NR2F1-AS1: variants seen among roughly 807,000 people sequenced by gnomAD.
NR2F1-AS1 encodes NR2F1 regulatory antisense RNA 1, also known as NR2F1 antisense RNA 1.
chr5:93,483,085 C>T (rs929812647), intron 4 of NR2F1-AS1, among the ~76,000 whole-genome samples: 1 of 152,306 alleles, frequency 6.6e-6, no homozygotes. Context: ...CCTAGCACAG[C>T]GCTCGATCTC....
In NR2F1-AS1 at chr5:93,487,679, T is replaced by C. The variant is rs183273559; in HGVS notation, n.638+66082A>G. ...AATGGCCACAATGCCCAAAGTAATT[T>C]ATAGATTCAATGCTATCTCCATCAA... On this transcript the variant is annotated intron_variant and non_coding_transcript_variant, in intron 4 of 5. Coordinates refer to ENST00000660523, the Ensembl canonical transcript of NR2F1-AS1. 7.9e-5 allele frequency among the ~76,000 whole-genome samples: 12 copies of C among 152,298 alleles called. No individual in the cohort carries two copies. In the East Asian group the frequency reaches 2.3e-3, roughly 29 times the overall value.
At chr5:93,461,562 CA>C (rs913428058) in intron 4 of NR2F1-AS1, among the ~76,000 whole-genome samples, 2 of 151,286 alleles carry the variant, frequency 1.3e-5, no homozygotes, top group East Asian at 1.9e-4. Context: ...AACTGAGTTA[CA>C]AAAAAAATAA....
chr5:93,488,137 C>T (rs954528940), intron 4 of NR2F1-AS1, among the ~76,000 whole-genome samples: 1 of 152,146 alleles, frequency 6.6e-6, no homozygotes, highest in Non-Finnish European at 1.5e-5. Context: ...ACCATAAAAA[C>T]CCTAGAAGAA....
At chr5:93,527,101 TC>T (rs561105827) in intron 4 of NR2F1-AS1, among the ~76,000 whole-genome samples, 134 of 152,262 alleles carry the variant, frequency 8.8e-4, no homozygotes, top group Non-Finnish European at 1.5e-3. Context: ...GAAAACCTCA[TC>T]ATCTCAGCCC....
chr5:93,512,317 AAATG>A (rs1414076739), intron 4 of NR2F1-AS1, among the ~76,000 whole-genome samples: 37 of 152,302 alleles, frequency 2.4e-4, no homozygotes, highest in African/African-American at 6.7e-4. Flanking sequence ...TAGAATAAGG[AAATG>A]AATGACTTTT....
intron 4 of NR2F1-AS1, among the ~76,000 whole-genome samples, chr5:93,481,796 T>C (rs1473535832): frequency 1.3e-5 from 2 of 151,912 alleles, no homozygotes; most frequent in African/African-American, 2.4e-5. Context: ...AAATAACATA[T>C]TCTTTAAAAA....
At chr5:93,562,210 G>T (rs1263496143) in intron 2 of NR2F1-AS1, among the ~76,000 whole-genome samples, 2 of 145,896 alleles carry the variant, frequency 1.4e-5, no homozygotes, top group African/African-American at 5.1e-5. Context: ...GAAAAGAAAA[G>T]AAAAGAAAAG....
intron 4 of NR2F1-AS1, among the ~76,000 whole-genome samples, chr5:93,473,859 G>A (rs1170437303): frequency 6.6e-6 from 1 of 151,822 alleles, no homozygotes; most frequent in Non-Finnish European, 1.5e-5. Flanking sequence ...ATGGATACTT[G>A]AGAAATTAAT....
At chr5:93,446,124 C>T (rs1241012915) in intron 4 of NR2F1-AS1, among the ~76,000 whole-genome samples, 2 of 152,080 alleles carry the variant, frequency 1.3e-5, no homozygotes, top group African/African-American at 2.4e-5. Context: ...GGAAGCATTC[C>T]CTTGGAAAAC....
At chr5:93,416,807 A>G (rs905365735) in intron 4 of NR2F1-AS1, among the ~76,000 whole-genome samples, 1 of 152,168 alleles carries the variant, frequency 6.6e-6, no homozygotes, top group African/African-American at 2.4e-5. Context: ...AATCAATAAT[A>G]ATATTAAAAG....
intron 4 of NR2F1-AS1, among the ~76,000 whole-genome samples, chr5:93,502,784 T>C (rs1751111165): frequency 6.6e-6 from 1 of 152,170 alleles, no homozygotes; most frequent in Non-Finnish European, 1.5e-5. Flanking sequence ...GGTAATCCCA[T>C]GCCAGATAAG....
intron 4 of NR2F1-AS1, among the ~76,000 whole-genome samples, chr5:93,546,795 G>A (rs557657239): frequency 5.3e-5 from 8 of 152,322 alleles, no homozygotes; most frequent in African/African-American, 1.9e-4. Flanking sequence ...GTGATGGTTA[G>A]TTTTATGGAT....
rs1227046832 is a variant in NR2F1-AS1 at position 93,530,075 on chromosome 5, C to CTTTTT, written n.638+23681_638+23685dup. On this transcript the variant is annotated intron_variant and non_coding_transcript_variant, in intron 4 of 5. Coordinates refer to ENST00000660523, the Ensembl canonical transcript of NR2F1-AS1. ...CTGCCTCCCACCTACAATTTGAAGG[C>CTTTTT]TTTTTTTTTTTTTTTTTTTTTTTGA... is the stretch of plus-strand genomic sequence containing the variant. Among the ~76,000 whole-genome samples, 120 of 97,898 alleles carry CTTTTT rather than the reference C, an allele frequency of 1.2e-3. 1 individual carries two copies. Among genetic ancestry groups the CTTTTT allele is most frequent in the African/African-American group, 3.5e-3 (86 of 24,672 alleles). 64.2% of individuals were successfully genotyped at this position (97,898 alleles called of 152,430 possible).
At chr5:93,453,978 T>C (rs1749892626) in intron 4 of NR2F1-AS1, among the ~76,000 whole-genome samples, 1 of 152,214 alleles carries the variant, frequency 6.6e-6, no homozygotes, top group Non-Finnish European at 1.5e-5. Context: ...TATTTTAATC[T>C]TTTTAAAAGA....
chr5:93,543,533 G>C (rs924366787), intron 4 of NR2F1-AS1: 2 of 152,086 alleles, frequency 1.3e-5, no homozygotes, highest in African/African-American at 4.8e-5. Context: ...GAACTGGAGG[G>C]CAGATAAGAA....
At chr5:93,563,210 T>G (rs1250892751) in intron 2 of NR2F1-AS1, among the ~76,000 whole-genome samples, 3 of 152,258 alleles carry the variant, frequency 2.0e-5, no homozygotes, top group Non-Finnish European at 4.4e-5. Flanking sequence ...GTGTTATTTT[T>G]GTTAACACCA....
At chr5:93,492,536 A>C (rs1272749053) in intron 4 of NR2F1-AS1, among the ~76,000 whole-genome samples, 2 of 152,160 alleles carry the variant, frequency 1.3e-5, no homozygotes, top group Non-Finnish European at 2.9e-5. Context: ...ACTTCCTAAC[A>C]CATTTTGTGA....
rs145273030 is a variant in NR2F1-AS1 at position 93,532,740 on chromosome 5, C to T, written n.638+21021G>A. On this transcript the variant is annotated intron_variant and non_coding_transcript_variant, in intron 4 of 5. Transcript: ENST00000660523. ...TCACAGAAACCATGAGCCTCAGATTCGTGGTTAAGTGAAAACTGCAACATT... is the reference window on the plus strand; with the variant it reads ...TCACAGAAACCATGAGCCTCAGATTTGTGGTTAAGTGAAAACTGCAACATT... Among the ~76,000 whole-genome samples, 576 of 152,324 alleles carry T rather than the reference C, an allele frequency of 3.8e-3. 7 individuals are homozygous for T. Among genetic ancestry groups the T allele is most frequent in the African/African-American group, 0.013 (541 of 41,574 alleles).
At chr5:93,517,393 G>A (rs1751418944) in intron 4 of NR2F1-AS1, among the ~76,000 whole-genome samples, 1 of 151,898 alleles carries the variant, frequency 6.6e-6, no homozygotes. Flanking sequence ...ACATGCTGGT[G>A]ATATCTCCTG....
Sources: allele counts gnomAD v4.1 joint callset (sites outside exome capture counted in the v4.1 genomes callset), GRCh38; gene constraint gnomAD v4.1.1; transcripts MANE v1.5; gene names NCBI Gene and HGNC (gene_info 2026-07-23, HGNC 2026-07-21).